The following ELP4 variants were observed in gnomAD, a reference collection of about 807,000 sequenced individuals.
ELP4 encodes elongator acetyltransferase complex subunit 4, also known as elongator complex protein 4.
ELP4 carries 51 observed loss-of-function variants against 48.9 expected under a neutral mutation model. The ratio of observed to expected loss-of-function variants is 1.04; its 90% CI spans 0.83 to 1.32. The LOEUF is 1.32. Among genes scored for constraint, ELP4 ranks in the 40% most tolerant of loss-of-function variants. The pLI is 0.00. For missense variants in ELP4, 519 were observed against 514.6 expected (o/e 1.01, Z -0.08); for synonymous variants, 210 against 189.2 (o/e 1.11, Z -0.90).
chr11:31,738,251 A>AT (rs1472801495), intron 9 of ELP4, among the ~76,000 whole-genome samples: 2 of 147,248 alleles, frequency 1.4e-5, no homozygotes, highest in African/African-American at 5.1e-5. Flanking sequence ...AAAAAAAAAA[A>AT]AAAAAATTAA....
intron 5 of ELP4, among the ~76,000 whole-genome samples, chr11:31,621,223 A>AT (rs1944614030): frequency 6.6e-6 from 1 of 151,946 alleles, no homozygotes; most frequent in African/African-American, 2.4e-5. Flanking sequence ...TTGGTAATAC[A>AT]AATCATACTT....
At chr11:31,640,110 G>T (rs1945061013) in intron 7 of ELP4, among the ~76,000 whole-genome samples, 1 of 151,896 alleles carries the variant, frequency 6.6e-6, no homozygotes, top group Non-Finnish European at 1.5e-5. Flanking sequence ...GGTGTGGGGA[G>T]CCCTGTGTGT....
intron 9 of ELP4, among the ~76,000 whole-genome samples, chr11:31,710,814 A>G (rs1448290865): frequency 1.3e-5 from 2 of 152,136 alleles, no homozygotes; most frequent in African/African-American, 4.8e-5. Flanking sequence ...CTTTTCATGT[A>G]ACTATCCAAG....
rs76234266 is a variant in ELP4 at position 31,776,585 on chromosome 11, C to G, written c.1144-6808C>G. ...TTCACAAATCACACTTTTGTTTAGA[C>G]AAGTGAGTTCTTCTCAATCTTCTTT... On this transcript the variant is annotated intron_variant, in intron 9 of 9. Coordinates refer to ENST00000640961, the MANE Select transcript of ELP4 (RefSeq NM_019040.5). 5.6e-3 allele frequency among the ~76,000 whole-genome samples: 852 copies of G among 152,290 alleles called. 11 individuals carry two copies. The highest frequency in any genetic ancestry group is 0.02 in the African/African-American group (821 of 41,562).
intron 2 of ELP4, among the ~76,000 whole-genome samples, chr11:31,534,912 A>G (rs1288249099): frequency 6.6e-6 from 1 of 152,216 alleles, no homozygotes; most frequent in Non-Finnish European, 1.5e-5. Flanking sequence ...GTGAATTCTT[A>G]GTTATACAAA....
chr11:31,597,625 AC>A (rs1284529092), intron 4 of ELP4, among the ~76,000 whole-genome samples: 1 of 152,148 alleles, frequency 6.6e-6, no homozygotes, highest in African/African-American at 2.4e-5. Context: ...AGGCTGGAGT[AC>A]AGTGGAGCGA....
chr11:31,674,679 T>G (rs1357641708), intron 9 of ELP4, among the ~76,000 whole-genome samples: 2 of 152,210 alleles, frequency 1.3e-5, no homozygotes, highest in African/African-American at 4.8e-5. Context: ...GGATTGGAAG[T>G]AAATGGAGAT....
chr11:31,541,706 A>C (rs966220817), intron 3 of ELP4, among the ~76,000 whole-genome samples: 5 of 152,202 alleles, frequency 3.3e-5, no homozygotes, highest in African/African-American at 1.2e-4. Flanking sequence ...ATTAATTTCA[A>C]AACTAATCCC....
chr11:31,615,546 C>T lies in ELP4; in HGVS notation c.654-11564C>T, dbSNP rs540724808. 1.6e-4 allele frequency among the ~76,000 whole-genome samples: 24 copies of T among 150,974 alleles called. 1 individual carries two copies. Among genetic ancestry groups the T allele is most frequent in the South Asian group, 1.5e-3 (7 of 4,798 alleles). On this transcript the variant is annotated intron_variant, in intron 5 of 9. Transcript: ENST00000640961. ...TAAATCAATAAAGTTATTTTTACTT[C>T]GAAAAAAATGTAACTACTTGGGCAA...
chr11:31,599,527 A>C (rs939398401), intron 4 of ELP4: 8 of 4,586 alleles, frequency 1.7e-3, no homozygotes, highest in Admixed American at 8.6e-3. Context: ...ACACACAAAA[A>C]AAAAAAACCT....
At chr11:31,699,295 C>G (rs1459001786) in intron 9 of ELP4, among the ~76,000 whole-genome samples, 1 of 152,052 alleles carries the variant, frequency 6.6e-6, no homozygotes, top group Non-Finnish European at 1.5e-5. Flanking sequence ...TAAGGAGATA[C>G]TCAAAGAACA....
At position 31,650,220 on chromosome 11, in the gene ELP4, A is replaced by C; in HGVS notation, c.1142A>C (p.Glu381Ala). ...FKLKRKLFTI[E>A]RLHLPPDLSD... Reference sequence around the variant, plus strand: ...TTAAAAAGGAAGCTATTCACCATTGAGGTAAGAGAATTTTTATGTTTTAGT... The same window carrying C: ...TTAAAAAGGAAGCTATTCACCATTGCGGTAAGAGAATTTTTATGTTTTAGT... The change falls in exon 9 of 10, where the codon GAG becomes GCG. Residue 381 changes from glutamate (E) to alanine (A), a missense_variant and splice_region_variant. By Grantham distance (107) the Glu-to-Ala change is moderately radical. Transcript: ENST00000640961. 1 of 1,042,434 alleles carries C rather than the reference A, an allele frequency of 9.6e-7. No individual in the cohort carries two copies. The highest frequency in any genetic ancestry group is 1.4e-6 in the Non-Finnish European group (1 of 693,186). 64.6% of individuals were successfully genotyped at this position (1,042,434 alleles called of 1,614,324 possible).
intron 9 of ELP4, among the ~76,000 whole-genome samples, chr11:31,742,140 G>A (rs902804177): frequency 2.6e-5 from 4 of 152,172 alleles, no homozygotes; most frequent in Non-Finnish European, 4.4e-5. Context: ...GGAAGAAAGG[G>A]TATCAGTGAT....
chr11:31,737,308 G>T (rs1947341919), intron 9 of ELP4, among the ~76,000 whole-genome samples: 1 of 151,986 alleles, frequency 6.6e-6, no homozygotes, highest in Non-Finnish European at 1.5e-5. Flanking sequence ...TCACACACTG[G>T]GGCCTGTTGT....
chr11:31,548,224 T>G (rs1182439221), intron 3 of ELP4, among the ~76,000 whole-genome samples: 1 of 152,216 alleles, frequency 6.6e-6, no homozygotes, highest in African/African-American at 2.4e-5. Context: ...CGTGATTGTA[T>G]ATCTAGAAAA....
chr11:31,606,063 A>G (rs1957868872), intron 5 of ELP4, among the ~76,000 whole-genome samples: 1 of 152,024 alleles, frequency 6.6e-6, no homozygotes, highest in African/African-American at 2.4e-5. Context: ...TAAAATACAT[A>G]TTTTCTGAGT....
chr11:31,753,894 C>G (rs1947779727), intron 9 of ELP4, among the ~76,000 whole-genome samples: 1 of 152,056 alleles, frequency 6.6e-6, no homozygotes, highest in South Asian at 2.1e-4. Flanking sequence ...GTGCTTACCT[C>G]TAGAGAGGTA....
chr11:31,560,571 A>G (rs1957002094), intron 3 of ELP4, among the ~76,000 whole-genome samples: 2 of 151,644 alleles, frequency 1.3e-5, no homozygotes, highest in Admixed American at 6.6e-5. Context: ...GCATTACTAC[A>G]CATGGTCTCA....
rs1343285035 is a variant in ELP4, at chr11:31,547,395, G to A, written c.381+7612G>A. Among the ~76,000 whole-genome samples, 7 of 152,088 alleles carry A rather than the reference G, an allele frequency of 4.6e-5. No individual in the cohort carries two copies. The East Asian group carries it at 5.8e-4, about 13-fold the overall frequency. ...AAACTAGAAAATCTAGAAGAAATGG[G>A]TAAATTCCTTGACACATACACTCTC... On this transcript the variant is annotated intron_variant, in intron 3 of 9. Coordinates refer to ENST00000640961, the MANE Select transcript of ELP4 (RefSeq NM_019040.5).
Sources: allele counts gnomAD v4.1 joint callset (sites outside exome capture counted in the v4.1 genomes callset), GRCh38; gene constraint gnomAD v4.1.1; transcripts MANE v1.5; gene names NCBI Gene and HGNC (gene_info 2026-07-23, HGNC 2026-07-21).